Variants in ZBTB7C observed in about 807,000 individuals in gnomAD.
ZBTB7C encodes zinc finger and BTB domain containing 7C, also known as zinc finger and BTB domain-containing protein 7C.
In ZBTB7C, 8 loss-of-function variants were observed where a neutral mutation model predicts 25.7. That is an observed-to-expected ratio of 0.31 (90% CI 0.18 to 0.56). ZBTB7C has a LOEUF of 0.56. Ranked by LOEUF, ZBTB7C falls within the 20% of genes least tolerant of loss-of-function variation. The probability of loss-of-function intolerance (pLI) is 0.91; values close to 1 mark genes in which losing one functional copy is unlikely to be tolerated. For missense variants in ZBTB7C, 824 were observed against 855.2 expected (o/e 0.96, Z 0.46); for synonymous variants, 394 against 369.0 (o/e 1.07, Z -0.78).
At chr18:48,220,591 A>G (rs2042926440) in intron 2 of ZBTB7C, among the ~76,000 whole-genome samples, 1 of 152,148 alleles carries the variant, frequency 6.6e-6, no homozygotes. Context: ...CAGAATAGCA[A>G]TATTTAGCTT....
At chr18:48,359,551 A>G (rs1359652588) in intron 1 of ZBTB7C, among the ~76,000 whole-genome samples, 1 of 152,202 alleles carries the variant, frequency 6.6e-6, no homozygotes, top group Non-Finnish European at 1.5e-5. Context: ...TGAGTTTGAC[A>G]GCTGCTGGAC....
chr18:48,344,264 G>A (rs574985025), intron 1 of ZBTB7C, among the ~76,000 whole-genome samples: 50 of 152,348 alleles, frequency 3.3e-4, no homozygotes, highest in Non-Finnish European at 5.1e-4. Flanking sequence ...GATTATAGGC[G>A]TGAGCCACCA....
intron 3 of ZBTB7C, among the ~76,000 whole-genome samples, chr18:48,062,552 T>C (rs2144333142): frequency 6.6e-6 from 1 of 152,336 alleles, no homozygotes; most frequent in Admixed American, 6.5e-5. Context: ...AATTACCTCA[T>C]TTGATCCTTA....
At chr18:48,390,972 G>A (rs1216193464) in intron 1 of ZBTB7C, among the ~76,000 whole-genome samples, 2 of 152,128 alleles carry the variant, frequency 1.3e-5, no homozygotes, top group Non-Finnish European at 2.9e-5. Context: ...AACTGCCATG[G>A]GTGAGAAAGC....
At chr18:48,170,627 T>C (rs1202930459) in intron 3 of ZBTB7C, among the ~76,000 whole-genome samples, 1 of 152,208 alleles carries the variant, frequency 6.6e-6, no homozygotes, top group Non-Finnish European at 1.5e-5. Context: ...CTCAGACCTT[T>C]AGAGGAGGCC....
intron 3 of ZBTB7C, among the ~76,000 whole-genome samples, chr18:48,166,997 A>G (rs886093283): frequency 6.6e-6 from 1 of 152,100 alleles, no homozygotes; most frequent in Non-Finnish European, 1.5e-5. Flanking sequence ...CACAAAGCAG[A>G]GCCTGCTCAG....
At chr18:48,324,487 T>C (rs1245844922) in intron 2 of ZBTB7C, among the ~76,000 whole-genome samples, 1 of 151,904 alleles carries the variant, frequency 6.6e-6, no homozygotes, top group Non-Finnish European at 1.5e-5. Flanking sequence ...ACAACTGTGA[T>C]GCTATGGTCT....
chr18:48,090,198 G>A (rs930070516), intron 3 of ZBTB7C, among the ~76,000 whole-genome samples: 15 of 152,210 alleles, frequency 9.9e-5, no homozygotes, highest in South Asian at 4.1e-4. Context: ...AGGTGAGAGC[G>A]TAGCAGGTGC....
chr18:48,238,371 C>A lies in ZBTB7C; in HGVS notation c.-78-52376G>T, dbSNP rs550881062. Among the ~76,000 whole-genome samples the A allele has an allele frequency of 1.1e-3, 162 of 152,328 alleles. 1 individual carries two copies. The highest frequency in any genetic ancestry group is 3.8e-3 in the African/African-American group (156 of 41,582). ...TTTGCCTCAAGAACTACCACAGGAA[C>A]ATACCAGGAAAACCAAAAGAATTCA... On this transcript the variant is annotated intron_variant, in intron 2 of 4. Coordinates refer to ENST00000590800, the MANE Select transcript of ZBTB7C (RefSeq NM_001318841.2).
chr18:48,284,425 T>G, intron 2 of ZBTB7C, among the ~76,000 whole-genome samples: 1 of 144,468 alleles, frequency 6.9e-6, no homozygotes, highest in Admixed American at 7.0e-5. Flanking sequence ...AGTGACAGAG[T>G]GAGACCCTGT....
At chr18:48,359,898 G>A (rs570800026) in intron 1 of ZBTB7C, among the ~76,000 whole-genome samples, 5 of 152,264 alleles carry the variant, frequency 3.3e-5, no homozygotes, top group East Asian at 3.9e-4. Flanking sequence ...TTTTTGACTC[G>A]GGAAAAGTCT....
At chr18:48,342,448 G>A (rs1432176525) in intron 1 of ZBTB7C, among the ~76,000 whole-genome samples, 2 of 152,064 alleles carry the variant, frequency 1.3e-5, no homozygotes, top group African/African-American at 4.8e-5. Flanking sequence ...GCAGGATCGG[G>A]AGGCAGCCAG....
chr18:48,277,834 G>A (rs538248876), intron 2 of ZBTB7C, among the ~76,000 whole-genome samples: 3 of 149,294 alleles, frequency 2.0e-5, no homozygotes, highest in Admixed American at 6.6e-5. Flanking sequence ...AATACCACAT[G>A]AGCTTTTTTT....
chr18:48,078,200 C>A (rs537654173), intron 3 of ZBTB7C, among the ~76,000 whole-genome samples: 3 of 152,192 alleles, frequency 2.0e-5, no homozygotes, highest in Non-Finnish European at 4.4e-5. Context: ...TTACACAACA[C>A]ATAATTCTCA....
In ZBTB7C at chr18:48,213,716, C is replaced by T. The variant is rs369631409; in HGVS notation, c.-78-27721G>A. ...TTACCTTCTTATTTGGGTACTGGTT[C>T]TGACTGTTCTGACCCCAATGCAGAG... is the stretch of plus-strand genomic sequence containing the variant. On this transcript the variant is annotated intron_variant, in intron 2 of 4. Coordinates refer to ENST00000590800, the MANE Select transcript of ZBTB7C (RefSeq NM_001318841.2). 7.9e-5 allele frequency among the ~76,000 whole-genome samples: 12 copies of T among 152,290 alleles called. No individual in the cohort carries two copies. The East Asian group carries it at 2.3e-3, about 29-fold the overall frequency.
chr18:48,225,918 T>C (rs1189410886), intron 2 of ZBTB7C, among the ~76,000 whole-genome samples: 1 of 152,166 alleles, frequency 6.6e-6, no homozygotes, highest in East Asian at 1.9e-4. Context: ...AATTTTTGTA[T>C]TTTTAGTAGA....
chr18:48,304,838 C>A (rs72909634), intron 2 of ZBTB7C, among the ~76,000 whole-genome samples: 1 of 116,174 alleles, frequency 8.6e-6, no homozygotes, highest in Non-Finnish European at 1.7e-5. Flanking sequence ...CCAGGCTCTA[C>A]CTCAAAAAAA....
intron 3 of ZBTB7C, among the ~76,000 whole-genome samples, chr18:48,127,252 G>T (rs147484015): frequency 5.6e-4 from 86 of 152,302 alleles, no homozygotes; most frequent in African/African-American, 1.9e-3. Flanking sequence ...GTGCTAAGAG[G>T]CTGTGCCATA....
chr18:48,156,900 C>T (rs973920885), intron 3 of ZBTB7C, among the ~76,000 whole-genome samples: 2 of 151,982 alleles, frequency 1.3e-5, no homozygotes, highest in African/African-American at 4.8e-5. Context: ...GAGTGGACCC[C>T]ATTAGGGGTC....
Sources: allele counts gnomAD v4.1 joint callset (sites outside exome capture counted in the v4.1 genomes callset), GRCh38; gene constraint gnomAD v4.1.1; transcripts MANE v1.5; gene names NCBI Gene and HGNC (gene_info 2026-07-23, HGNC 2026-07-21).